CELF2: variants seen among roughly 807,000 people sequenced by gnomAD.
CELF2 encodes CUG triplet repeat RNA-binding protein 2.
A neutral mutation model predicts 62.6 loss-of-function variants in CELF2; 8 were observed. That is an observed-to-expected ratio of 0.13 (90% confidence interval 0.07 to 0.23). The LOEUF is 0.23. Among genes scored for constraint, CELF2 ranks in the 10% least tolerant of loss-of-function variants. The pLI, the probability that CELF2 is intolerant of heterozygous loss-of-function variation, is 1.00. For synonymous variants in CELF2, 258 were observed against 250.0 expected (o/e 1.03, Z -0.30); for missense variants, 333 against 671.0 (o/e 0.50, Z 5.56).
the CELF2 span, among the ~76,000 whole-genome samples, chr10:10,750,627 A>C: frequency 6.6e-6 from 1 of 152,262 alleles, no homozygotes; most frequent in African/African-American, 2.4e-5. Context: ...GAAAAAATTT[A>C]ACAAATAAAT....
the CELF2 span, among the ~76,000 whole-genome samples, chr10:10,469,274 T>C: frequency 6.6e-6 from 1 of 152,026 alleles, no homozygotes; most frequent in Non-Finnish European, 1.5e-5. Flanking sequence ...AAATGCTTCA[T>C]TCTTTCCAAC....
chr10:10,886,818 A>G (rs2061783182), intron 1 of CELF2, among the ~76,000 whole-genome samples: 1 of 152,230 alleles, frequency 6.6e-6, no homozygotes, highest in Admixed American at 6.5e-5. Flanking sequence ...CCTGGATGAC[A>G]GAGTGAGACC....
At chr10:11,149,999 CAT>C (rs1178945266) in intron 1 of CELF2, among the ~76,000 whole-genome samples, 1 of 152,148 alleles carries the variant, frequency 6.6e-6, no homozygotes, top group Admixed American at 6.5e-5. Flanking sequence ...AAATTGATAC[CAT>C]ATGACCCTGG....
the CELF2 span, among the ~76,000 whole-genome samples, chr10:10,508,712 T>A: frequency 2.1e-4 from 31 of 145,000 alleles, no homozygotes; most frequent in African/African-American, 7.5e-4. Flanking sequence ...GTGTATATTT[T>A]TTTTTTTGAG....
the CELF2 span, among the ~76,000 whole-genome samples, chr10:10,544,515 A>G: frequency 2.0e-5 from 3 of 152,220 alleles, no homozygotes; most frequent in Non-Finnish European, 4.4e-5. Flanking sequence ...TCTTGCATAT[A>G]TTTGTCTATA....
chr10:11,307,140 C>G (rs2094284022), intron 9 of CELF2, among the ~76,000 whole-genome samples: 1 of 152,240 alleles, frequency 6.6e-6, no homozygotes, highest in Non-Finnish European at 1.5e-5. Context: ...GAAGTCTTCC[C>G]TAAGCACAAG....
the CELF2 span, among the ~76,000 whole-genome samples, chr10:10,633,339 A>G: frequency 6.6e-6 from 1 of 152,092 alleles, no homozygotes; most frequent in African/African-American, 2.4e-5. Context: ...TCTCATCAAC[A>G]CTGCTTACAG....
chr10:10,949,526 T>G (rs1379347383), intron 2 of CELF2, among the ~76,000 whole-genome samples: 1 of 151,986 alleles, frequency 6.6e-6, no homozygotes. Flanking sequence ...GCATGGTGGC[T>G]CATGCCTGTA....
the CELF2 span, among the ~76,000 whole-genome samples, chr10:10,482,746 C>T: frequency 1.3e-5 from 2 of 152,160 alleles, no homozygotes; most frequent in African/African-American, 4.8e-5. Context: ...CACACCTGCC[C>T]TGTACAAACC....
At chr10:10,519,513 G>A in the CELF2 span, among the ~76,000 whole-genome samples, 1 of 152,134 alleles carries the variant, frequency 6.6e-6, no homozygotes, top group Non-Finnish European at 1.5e-5. Flanking sequence ...CCTAGTGATA[G>A]AAAAAGAAAA....
At chr10:10,747,819 G>A in the CELF2 span, among the ~76,000 whole-genome samples, 135 of 152,290 alleles carry the variant, frequency 8.9e-4, no homozygotes, top group African/African-American at 3.2e-3. Flanking sequence ...CCATTCTCCT[G>A]CCTCAGCCTC....
intron 2 of CELF2, among the ~76,000 whole-genome samples, chr10:10,969,772 C>T (rs2050562380): frequency 6.6e-6 from 1 of 152,190 alleles, no homozygotes; most frequent in Non-Finnish European, 1.5e-5. Flanking sequence ...CCATACAAGC[C>T]TTTCCCACAT....
chr10:11,229,198 C>G (rs1261178312), intron 3 of CELF2, among the ~76,000 whole-genome samples: 1 of 152,196 alleles, frequency 6.6e-6, no homozygotes, highest in Non-Finnish European at 1.5e-5. Context: ...CCCGTGATTT[C>G]TCTGCAAGGT....
the CELF2 span, among the ~76,000 whole-genome samples, chr10:10,666,561 T>C: frequency 6.6e-6 from 1 of 152,046 alleles, no homozygotes; most frequent in Non-Finnish European, 1.5e-5. Context: ...AGGAGGATGA[T>C]TATGTGTTTG....
the CELF2 span, among the ~76,000 whole-genome samples, chr10:10,636,605 C>T: frequency 6.6e-6 from 1 of 152,192 alleles, no homozygotes; most frequent in Non-Finnish European, 1.5e-5. Context: ...TCTCCACACA[C>T]AAACATAGAA....
At chr10:11,216,694 G>A (rs1029310399) in intron 2 of CELF2, among the ~76,000 whole-genome samples, 6 of 152,228 alleles carry the variant, frequency 3.9e-5, no homozygotes, top group African/African-American at 1.2e-4. Context: ...ATGCTGGCCT[G>A]CGCGGAAGGG....
intron 2 of CELF2, among the ~76,000 whole-genome samples, chr10:10,954,648 A>G (rs1274925565): frequency 1.3e-5 from 2 of 152,214 alleles, no homozygotes; most frequent in East Asian, 1.9e-4. Context: ...GAAAAGACTT[A>G]TTTAAAAGTT....
intron 1 of CELF2, among the ~76,000 whole-genome samples, chr10:11,045,994 GA>G (rs1419410197): frequency 5.9e-5 from 9 of 152,158 alleles, no homozygotes; most frequent in African/African-American, 2.2e-4. Context: ...AGAGGTGAAA[GA>G]AAGGAAACAA....
chr10:10,549,285 T>C, the CELF2 span, among the ~76,000 whole-genome samples: 1 of 152,110 alleles, frequency 6.6e-6, no homozygotes, highest in Admixed American at 6.5e-5. Context: ...GTTTCTTCTT[T>C]TTGTTGTTGT....
Sources: gnomAD v4.1 joint callset for allele counts (sites outside exome capture counted in the v4.1 genomes callset) on GRCh38, gnomAD v4.1.1 for gene constraint, MANE v1.5 for transcripts, NCBI Gene and HGNC (gene_info 2026-07-23, HGNC 2026-07-21) for gene names.